Variants in FNIP1 observed in about 807,000 individuals in gnomAD.
FNIP1 encodes folliculin-interacting protein 1.
FNIP1 carries 40 observed loss-of-function variants against 124.5 expected under a neutral mutation model. The observed-to-expected ratio is 0.32, with a 90% CI of 0.25 to 0.42. The LOEUF is 0.42. FNIP1 is among the 10% of genes least tolerant of loss of function. The probability of loss-of-function intolerance (pLI) is 1.00; values close to 1 mark genes in which losing one functional copy is unlikely to be tolerated. For synonymous variants in FNIP1, 472 were observed against 470.6 expected, an observed-to-expected ratio of 1.00 and a Z score of -0.04; for missense variants, 1,176 against 1,403.7, an observed-to-expected ratio of 0.84 and a Z score of 2.59.
At chr5:131,734,246 A>G (rs1770205872) in intron 2 of FNIP1, among the ~76,000 whole-genome samples, 1 of 151,968 alleles carries the variant, frequency 6.6e-6, no homozygotes, top group South Asian at 2.1e-4. Context: ...CTAGCGGTTT[A>G]TCAATTTTGT....
intron 17 of FNIP1, 152 bp downstream of exon 17, chr5:131,646,938 C>T (rs1766901417): frequency 6.5e-6 from 4 of 619,202 alleles, no homozygotes; most frequent in South Asian, 6.1e-5. Flanking sequence ...AGGGAACCTG[C>T]TATTACATGG....
intron 1 of FNIP1, among the ~76,000 whole-genome samples, chr5:131,774,722 A>AT (rs1335074923): frequency 6.6e-6 from 1 of 152,232 alleles, no homozygotes; most frequent in Non-Finnish European, 1.5e-5. Flanking sequence ...CACTAGTATG[A>AT]TTTTTAAATA....
intron 3 of FNIP1, among the ~76,000 whole-genome samples, chr5:131,727,578 G>T (rs960090159): frequency 2.0e-5 from 3 of 152,056 alleles, no homozygotes. Context: ...TATCTTTGCA[G>T]ATGAGATGGG....
rs1766795095 is a variant in FNIP1 at position 131,643,985 on chromosome 5, A to G, written c.*700T>C. 1 of 152,568 alleles carries G rather than the reference A, an allele frequency of 6.6e-6. No individual in the cohort carries two copies. Among genetic ancestry groups the G allele is most frequent in the African/African-American group, 2.4e-5 (1 of 41,456 alleles). 9.5% of individuals were successfully genotyped at this position (152,568 alleles called of 1,614,324 possible). On this transcript the variant is annotated 3_prime_UTR_variant, in exon 18 of 18. Transcript: ENST00000510461. ...CTTTACTTATATTTTAGAGTGTGTG[A>G]AACAGAAAAATCACCAATAAGTAAT...
chr5:131,684,734 T>C (rs1053158575), intron 11 of FNIP1, among the ~76,000 whole-genome samples: 8 of 152,204 alleles, frequency 5.3e-5, no homozygotes, highest in Non-Finnish European at 1.0e-4. Flanking sequence ...GGGAGTCTTA[T>C]GACAATATTT....
intron 15 of FNIP1, among the ~76,000 whole-genome samples, chr5:131,655,305 G>T (rs1375416024): frequency 6.6e-6 from 1 of 152,104 alleles, no homozygotes; most frequent in African/African-American, 2.4e-5. Context: ...CCAGTAGTTC[G>T]AGAGACTAAC....
At chr5:131,652,984 C>G (rs932818329) in intron 15 of FNIP1, among the ~76,000 whole-genome samples, 2 of 152,064 alleles carry the variant, frequency 1.3e-5, no homozygotes, top group Admixed American at 6.6e-5. Flanking sequence ...CAAACAACAA[C>G]AACAACAAAG....
chr5:131,705,414 C>T (rs1192459268), intron 9 of FNIP1, among the ~76,000 whole-genome samples: 1 of 151,960 alleles, frequency 6.6e-6, no homozygotes, highest in Non-Finnish European at 1.5e-5. Context: ...GTTGAGGCTG[C>T]AGTGAGCCGG....
intron 10 of FNIP1, among the ~76,000 whole-genome samples, chr5:131,700,355 G>C (rs1442431549): frequency 6.6e-6 from 1 of 152,084 alleles, no homozygotes; most frequent in Non-Finnish European, 1.5e-5. Flanking sequence ...AGGGGATCAG[G>C]ATTAGGATAT....
chr5:131,680,791 T>C (rs956578359), intron 11 of FNIP1, among the ~76,000 whole-genome samples: 1 of 152,104 alleles, frequency 6.6e-6, no homozygotes, highest in Non-Finnish European at 1.5e-5. Flanking sequence ...TTTAAAAAAA[T>C]TGCCAAGGAA....
At chr5:131,793,750 G>T (rs565380867) in intron 1 of FNIP1, among the ~76,000 whole-genome samples, 11 of 152,180 alleles carry the variant, frequency 7.2e-5, no homozygotes, top group African/African-American at 2.7e-4. Flanking sequence ...TTGTATATTG[G>T]TTACTCTAGG....
intron 1 of FNIP1, among the ~76,000 whole-genome samples, chr5:131,775,967 C>T (rs913586718): frequency 4.6e-5 from 7 of 152,186 alleles, no homozygotes; most frequent in Non-Finnish European, 8.8e-5. Context: ...AGATATGCCA[C>T]ATTTTTAATC....
At chr5:131,659,027 C>T (rs947361080) in intron 15 of FNIP1, among the ~76,000 whole-genome samples, 6 of 151,298 alleles carry the variant, frequency 4.0e-5, no homozygotes, top group African/African-American at 7.3e-5. Context: ...GGGTGAAACG[C>T]GACTAAGTAA....
intron 6 of FNIP1, among the ~76,000 whole-genome samples, chr5:131,715,685 A>C (rs1769444937): frequency 6.6e-6 from 1 of 152,182 alleles, no homozygotes; most frequent in Non-Finnish European, 1.5e-5. Context: ...CACACACATT[A>C]TAAAGTATAT....
intron 15 of FNIP1, among the ~76,000 whole-genome samples, chr5:131,664,877 A>T (rs1442079447): frequency 1.3e-5 from 2 of 150,706 alleles, no homozygotes; most frequent in East Asian, 3.9e-4. Flanking sequence ...TTTATATATA[A>T]GGACTCAGCT....
chr5:131,777,572 T>C (rs1771853555), intron 1 of FNIP1, among the ~76,000 whole-genome samples: 4 of 152,008 alleles, frequency 2.6e-5, no homozygotes, highest in Admixed American at 6.5e-5. Context: ...AATCAAATAC[T>C]AAAAAAACAA....
intron 6 of FNIP1, among the ~76,000 whole-genome samples, chr5:131,714,677 T>C (rs1280343842): frequency 1.3e-5 from 2 of 152,172 alleles, no homozygotes; most frequent in African/African-American, 4.8e-5. Context: ...TCATAGAACA[T>C]TTCTTCCCCT....
chr5:131,660,035 G>A (rs1384806821), intron 15 of FNIP1, among the ~76,000 whole-genome samples: 1 of 152,176 alleles, frequency 6.6e-6, no homozygotes. Context: ...AAGACGGCCC[G>A]GGGGCATCGT....
chr5:131,792,961 T>C (rs1772457599), intron 1 of FNIP1, among the ~76,000 whole-genome samples: 1 of 152,212 alleles, frequency 6.6e-6, no homozygotes, highest in Non-Finnish European at 1.5e-5. Flanking sequence ...AAACATTAAT[T>C]ATGCCCTACA....
Sources: allele counts gnomAD v4.1 joint callset (sites outside exome capture counted in the v4.1 genomes callset), GRCh38; gene constraint gnomAD v4.1.1; transcripts MANE v1.5; gene names NCBI Gene and HGNC (gene_info 2026-07-23, HGNC 2026-07-21).